The following AGBL1 variants were observed in gnomAD, a reference collection of about 807,000 sequenced individuals.
AGBL1 encodes cytosolic carboxypeptidase 4.
A neutral mutation model predicts 118.9 loss-of-function variants in AGBL1; 130 were observed. That is an observed-to-expected ratio of 1.09 (90% CI 0.95 to 1.26). The LOEUF (loss-of-function observed/expected upper bound fraction) is 1.26. Ranked by LOEUF, AGBL1 falls within the 50% of genes most tolerant of loss-of-function variation. The pLI is 0.00. For synonymous variants in AGBL1, 555 were observed against 478.9 expected (o/e 1.16, Z -2.08); for missense variants, 1,584 against 1,298.1 (o/e 1.22, Z -3.38).
Position 86,370,909 on chromosome 15 carries a change from A to G in AGBL1, c.2375-26457A>G, listed in dbSNP as rs549055274. 1.3e-3 allele frequency among the ~76,000 whole-genome samples: 204 copies of G among 152,338 alleles called. 1 individual carries two copies. Among genetic ancestry groups the G allele is most frequent in the Middle Eastern group, 0.01 (3 of 294 alleles). On this transcript the variant is annotated intron_variant, in intron 17 of 22. Coordinates refer to ENST00000614907, the MANE Select transcript of AGBL1 (RefSeq NM_001386094.1). Reference sequence around the variant, plus strand: ...CAAAGTGATCACAGAAGGCACCTACACATAGTGCCTCTGCATGTGAAGCAT... The same window carrying G: ...CAAAGTGATCACAGAAGGCACCTACGCATAGTGCCTCTGCATGTGAAGCAT...
intron 23 of AGBL1, among the ~76,000 whole-genome samples, chr15:86,928,522 G>C (rs1260379888): frequency 1.3e-5 from 2 of 152,148 alleles, no homozygotes; most frequent in East Asian, 3.9e-4. Context: ...TCTAGGGCTG[G>C]TTTGCTCTTT....
At chr15:86,538,466 GC>G (rs1432327991) in intron 19 of AGBL1, among the ~76,000 whole-genome samples, 6 of 152,156 alleles carry the variant, frequency 3.9e-5, no homozygotes, top group Non-Finnish European at 8.8e-5. Flanking sequence ...TTGGAAGGTA[GC>G]TGAACGTGTC....
At chr15:86,355,941 A>T (rs1002128334) in intron 17 of AGBL1, among the ~76,000 whole-genome samples, 6 of 152,162 alleles carry the variant, frequency 3.9e-5, no homozygotes, top group African/African-American at 1.4e-4. Context: ...TTAATGATGC[A>T]CTCATGGGAG....
intron 22 of AGBL1, among the ~76,000 whole-genome samples, chr15:86,709,161 A>T (rs1430320683): frequency 6.6e-6 from 1 of 152,082 alleles, no homozygotes; most frequent in East Asian, 1.9e-4. Context: ...ATCCCTCCAC[A>T]CACAAAACTT....
intron 21 of AGBL1, among the ~76,000 whole-genome samples, chr15:86,641,413 T>TTA (rs2085188224): frequency 6.7e-6 from 1 of 149,562 alleles, no homozygotes; most frequent in African/African-American, 2.5e-5. Context: ...CAATTTTTTT[T>TTA]AAAAAAAAAA....
At chr15:86,396,734 T>C (rs1474517566) in intron 17 of AGBL1, among the ~76,000 whole-genome samples, 1 of 152,140 alleles carries the variant, frequency 6.6e-6, no homozygotes, top group Non-Finnish European at 1.5e-5. Context: ...ATTTACTTCT[T>C]TTTGTTTTTT....
At chr15:86,799,917 G>A (rs886536559) in intron 22 of AGBL1, among the ~76,000 whole-genome samples, 6 of 152,080 alleles carry the variant, frequency 3.9e-5, no homozygotes, top group Non-Finnish European at 7.4e-5. Flanking sequence ...AGGCTCCAGC[G>A]AAGAACTGAA....
intron 17 of AGBL1, among the ~76,000 whole-genome samples, chr15:86,379,303 A>C (rs558724581): frequency 6.6e-6 from 1 of 152,212 alleles, no homozygotes; most frequent in Non-Finnish European, 1.5e-5. Flanking sequence ...CACATGGAAC[A>C]GAATATGATA....
intron 23 of AGBL1, among the ~76,000 whole-genome samples, chr15:86,926,510 G>A (rs528900318): frequency 2.0e-5 from 3 of 152,232 alleles, no homozygotes; most frequent in Admixed American, 6.5e-5. Context: ...CCTTGAACAC[G>A]ATGGATTTGA....
At chr15:86,937,362 T>C (rs1484006758) in intron 23 of AGBL1, among the ~76,000 whole-genome samples, 1 of 152,216 alleles carries the variant, frequency 6.6e-6, no homozygotes, top group African/African-American at 2.4e-5. Flanking sequence ...CAAATGTTCA[T>C]TGCAGCACTA....
intron 23 of AGBL1, chr15:86,935,079 C>T (rs746211847): frequency 6.6e-6 from 1 of 152,142 alleles, no homozygotes; most frequent in Non-Finnish European, 1.5e-5. Context: ...TTGTAATCCT[C>T]CAGGCTGAAC....
chr15:86,979,463 T>TGTA (rs1164555548), intron 23 of AGBL1, among the ~76,000 whole-genome samples: 3 of 151,968 alleles, frequency 2.0e-5, no homozygotes, highest in Non-Finnish European at 4.4e-5. Flanking sequence ...TTAAAAGCAA[T>TGTA]GTAGAGGCAC....
intron 3 of AGBL1, among the ~76,000 whole-genome samples, chr15:86,146,851 G>T (rs1394599499): frequency 6.6e-6 from 1 of 152,140 alleles, no homozygotes; most frequent in Non-Finnish European, 1.5e-5. Context: ...CTCTTTGCTG[G>T]TGTCCTTTAG....
intron 5 of AGBL1, among the ~76,000 whole-genome samples, chr15:86,199,191 A>G (rs72752112): frequency 3.3e-4 from 50 of 152,240 alleles, no homozygotes; most frequent in Non-Finnish European, 6.0e-4. Context: ...GCCCTATCTC[A>G]TTCTTTATAA....
intron 18 of AGBL1, among the ~76,000 whole-genome samples, chr15:86,455,889 C>A (rs2082252818): frequency 6.6e-6 from 1 of 152,086 alleles, no homozygotes; most frequent in Non-Finnish European, 1.5e-5. Flanking sequence ...CTCTCATAGC[C>A]ATTACCCTAT....
intron 18 of AGBL1, among the ~76,000 whole-genome samples, chr15:86,424,962 C>A (rs2081846672): frequency 6.6e-6 from 1 of 152,114 alleles, no homozygotes; most frequent in African/African-American, 2.4e-5. Context: ...TTAGTTCAAC[C>A]ATTGTGGAAG....
chr15:86,758,272 G>A (rs1182103138), intron 22 of AGBL1, among the ~76,000 whole-genome samples: 1 of 151,916 alleles, frequency 6.6e-6, no homozygotes, highest in Non-Finnish European at 1.5e-5. Context: ...CCTTCTACAA[G>A]GTCTTTGCAT....
At chr15:86,370,065 AT>A (rs1165417177) in intron 17 of AGBL1, among the ~76,000 whole-genome samples, 1 of 152,210 alleles carries the variant, frequency 6.6e-6, no homozygotes. Flanking sequence ...ATCATAAAAA[AT>A]ATTTAGAAAC....
chr15:86,547,555 T>G (rs1467516310), intron 20 of AGBL1, among the ~76,000 whole-genome samples: 1 of 152,164 alleles, frequency 6.6e-6, no homozygotes, highest in African/African-American at 2.4e-5. Context: ...TTCATACTGT[T>G]TAATTAATAA....
Sources: gnomAD v4.1 joint callset for allele counts (sites outside exome capture counted in the v4.1 genomes callset) on GRCh38, gnomAD v4.1.1 for gene constraint, MANE v1.5 for transcripts, NCBI Gene and HGNC (gene_info 2026-07-23, HGNC 2026-07-21) for gene names.